The following SDK1 variants were observed in gnomAD, a reference collection of about 807,000 sequenced individuals.
SDK1 encodes the protein protein sidekick-1.
In SDK1, 157 loss-of-function variants were observed where a neutral mutation model predicts 245.5. That is an observed-to-expected ratio of 0.64 (90% CI 0.56 to 0.73). The LOEUF is 0.73. Among genes scored for constraint, SDK1 ranks in the 30% least tolerant of loss-of-function variants. SDK1 has a pLI of 0.00. For synonymous variants in SDK1, 1,647 were observed against 1,278.5 expected, an observed-to-expected ratio of 1.29 and a Z score of -6.15; for missense variants, 3,583 against 3,002.3, an observed-to-expected ratio of 1.19 and a Z score of -4.52.
intron 1 of SDK1, among the ~76,000 whole-genome samples, chr7:3,347,776 C>A (rs768152601): frequency 2.6e-5 from 4 of 152,096 alleles, no homozygotes; most frequent in Non-Finnish European, 5.9e-5. Context: ...TGAATGCTAC[C>A]CCTGTGGCCT....
rs191255237 is a variant in SDK1, at chr7:3,768,889, G to T, written c.714-52561G>T. 9.3e-4 allele frequency among the ~76,000 whole-genome samples: 141 copies of T among 152,186 alleles called. 1 individual carries two copies. Among genetic ancestry groups the T allele is most frequent in the African/African-American group, 3.3e-3 (138 of 41,532 alleles). On this transcript the variant is annotated intron_variant, in intron 4 of 44. Coordinates refer to ENST00000404826, the MANE Select transcript of SDK1 (RefSeq NM_152744.4). ...CCTTTAGATCCTGTTTGGTAGACTT[G>T]CCGTAGGAACACAGAACAAAATGAA... is the stretch of plus-strand genomic sequence containing the variant.
chr7:3,432,263 A>G (rs1779875467), intron 1 of SDK1, among the ~76,000 whole-genome samples: 1 of 151,770 alleles, frequency 6.6e-6, no homozygotes. Context: ...GGCTATCGTG[A>G]TGACATTAGT....
chr7:4,014,686 G>A (rs545790219), intron 16 of SDK1, among the ~76,000 whole-genome samples: 2 of 152,310 alleles, frequency 1.3e-5, no homozygotes, highest in East Asian at 3.9e-4. Flanking sequence ...GTTTCTTTGA[G>A]AGGAGCATAG....
intron 4 of SDK1, among the ~76,000 whole-genome samples, chr7:3,661,003 G>A (rs547602297): frequency 3.5e-4 from 53 of 152,086 alleles, no homozygotes; most frequent in Non-Finnish European, 6.6e-4. Context: ...AGTAATTTTT[G>A]GTATTTAGAA....
chr7:3,921,720 C>A (rs377187167), intron 5 of SDK1, among the ~76,000 whole-genome samples: 3 of 152,258 alleles, frequency 2.0e-5, no homozygotes, highest in African/African-American at 7.2e-5. Context: ...AATCCCAGCA[C>A]TTTGGGAGGC....
intron 31 of SDK1, among the ~76,000 whole-genome samples, chr7:4,159,940 G>C (rs1301185767): frequency 6.6e-6 from 1 of 152,180 alleles, no homozygotes; most frequent in Non-Finnish European, 1.5e-5. Flanking sequence ...ACCTAGAAAT[G>C]ATTTAAAGTA....
At chr7:3,522,692 C>G (rs1360565155) in intron 1 of SDK1, among the ~76,000 whole-genome samples, 7 of 152,094 alleles carry the variant, frequency 4.6e-5, no homozygotes, top group Admixed American at 6.6e-5. Context: ...GGATAGTTGA[C>G]AAACCGGGGG....
At chr7:3,593,637 G>A (rs1190241886) in intron 1 of SDK1, among the ~76,000 whole-genome samples, 1 of 152,174 alleles carries the variant, frequency 6.6e-6, no homozygotes, top group East Asian at 1.9e-4. Flanking sequence ...GAGTCTTTAA[G>A]AATGTATATG....
At chr7:3,724,820 C>G (rs908076416) in intron 4 of SDK1, among the ~76,000 whole-genome samples, 17 of 152,144 alleles carry the variant, frequency 1.1e-4, no homozygotes, top group Non-Finnish European at 2.2e-4. Context: ...ACTGGCCTGG[C>G]CCAGAAGCAT....
At chr7:3,736,089 C>T (rs1300229225) in intron 4 of SDK1, among the ~76,000 whole-genome samples, 5 of 152,076 alleles carry the variant, frequency 3.3e-5, no homozygotes, top group African/African-American at 1.2e-4. Flanking sequence ...TGAATATTAA[C>T]CCCTTATAAA....
chr7:4,038,656 A>C (rs1788385625), intron 17 of SDK1, among the ~76,000 whole-genome samples: 1 of 152,228 alleles, frequency 6.6e-6, no homozygotes, highest in Non-Finnish European at 1.5e-5. Context: ...CACCTTGGCA[A>C]AGTGAGTGAT....
At chr7:4,096,076 C>T (rs1011419109) in intron 22 of SDK1, among the ~76,000 whole-genome samples, 1 of 152,220 alleles carries the variant, frequency 6.6e-6, no homozygotes, top group Non-Finnish European at 1.5e-5. Context: ...TGTAAAGCGT[C>T]CACTTTCCTG....
intron 1 of SDK1, among the ~76,000 whole-genome samples, chr7:3,556,836 G>C (rs1319505322): frequency 6.6e-6 from 1 of 151,998 alleles, no homozygotes; most frequent in Non-Finnish European, 1.5e-5. Flanking sequence ...AGTATAATTG[G>C]ATTGTTTGTA....
At chr7:4,033,427 A>G (rs1343726845) in intron 17 of SDK1, among the ~76,000 whole-genome samples, 1 of 152,214 alleles carries the variant, frequency 6.6e-6, no homozygotes, top group African/African-American at 2.4e-5. Flanking sequence ...CAATGACTCA[A>G]AATCTCGAAG....
chr7:4,080,116 T>C (rs1271482817), intron 22 of SDK1, among the ~76,000 whole-genome samples: 1 of 151,958 alleles, frequency 6.6e-6, no homozygotes, highest in Non-Finnish European at 1.5e-5. Context: ...GGAAAGCTGT[T>C]ATATTTGAGG....
rs568867824 is a variant in SDK1, at chr7:3,532,479, A to G, written c.299-86601A>G. The stretch of plus-strand genomic sequence containing the variant: ...CACCTGGTAGCTTTGCCTCCTCTTC[A>G]TGGTGGAGTAAATTGAGCCCTGAGA... On this transcript the variant is annotated intron_variant, in intron 1 of 44. Transcript: ENST00000404826. 3.3e-5 allele frequency among the ~76,000 whole-genome samples: 5 copies of G among 152,208 alleles called. No homozygotes were observed. The East Asian group carries it at 9.7e-4, about 29-fold the overall frequency.
intron 4 of SDK1, among the ~76,000 whole-genome samples, chr7:3,816,495 T>G (rs12537749): frequency 0.32 from 47,920 of 148,322 alleles, 9,802 homozygotes; most frequent in African/African-American, 0.58. Flanking sequence ...AGAAAATCTA[T>G]AAGAAATGGA....
At chr7:4,208,714 C>A (rs887386335) in intron 37 of SDK1, among the ~76,000 whole-genome samples, 1 of 152,188 alleles carries the variant, frequency 6.6e-6, no homozygotes, top group Non-Finnish European at 1.5e-5. Context: ...GCCACAGCGA[C>A]GGGAATTCCC....
chr7:3,952,460 A>G (rs1460492350), intron 7 of SDK1, among the ~76,000 whole-genome samples: 4 of 152,000 alleles, frequency 2.6e-5, no homozygotes, highest in Non-Finnish European at 4.4e-5. Context: ...GCGGGCGCCT[A>G]TGATCCCAGC....
Sources: gnomAD v4.1 joint callset for allele counts (sites outside exome capture counted in the v4.1 genomes callset) on GRCh38, gnomAD v4.1.1 for gene constraint, MANE v1.5 for transcripts, NCBI Gene and HGNC (gene_info 2026-07-23, HGNC 2026-07-21) for gene names.